Variants in PTPRD observed in about 807,000 individuals in gnomAD.
The protein encoded by PTPRD is receptor-type tyrosine-protein phosphatase delta.
Under a neutral mutation model 214.5 loss-of-function variants are expected in PTPRD, and 34 were observed. The observed-to-expected ratio is 0.16, with a 90% confidence interval of 0.12 to 0.21. The LOEUF is 0.21. Ranked by LOEUF, PTPRD falls within the 10% of genes least tolerant of loss-of-function variation. PTPRD has a pLI of 1.00. For synonymous variants in PTPRD, 1,128 were observed against 845.7 expected (o/e 1.33, Z -5.79); for missense variants, 2,545 against 2,398.7 (o/e 1.06, Z -1.27).
At chr9:10,509,916 C>A (rs1188836044) in intron 2 of PTPRD, among the ~76,000 whole-genome samples, 2 of 151,900 alleles carry the variant, frequency 1.3e-5, no homozygotes, top group Non-Finnish European at 2.9e-5. Flanking sequence ...CATTTCAGTA[C>A]CTCCAATGCC....
intron 7 of PTPRD, among the ~76,000 whole-genome samples, chr9:9,733,912 T>C (rs959084198): frequency 2.6e-5 from 4 of 152,162 alleles, no homozygotes; most frequent in Non-Finnish European, 4.4e-5. Flanking sequence ...GATTCAAACA[T>C]GAATACAAAG....
At chr9:9,421,734 C>T (rs2078878190) in intron 8 of PTPRD, among the ~76,000 whole-genome samples, 1 of 151,960 alleles carries the variant, frequency 6.6e-6, no homozygotes, top group Non-Finnish European at 1.5e-5. Flanking sequence ...GTCAGCTGTA[C>T]CCTTATTGAA....
chr9:9,320,224 T>A (rs1190842277), intron 9 of PTPRD, among the ~76,000 whole-genome samples: 1 of 152,140 alleles, frequency 6.6e-6, no homozygotes, highest in Non-Finnish European at 1.5e-5. Flanking sequence ...ATTTTTCCCA[T>A]GTTTTAATAA....
At chr9:8,813,519 G>T (rs536965683) in intron 11 of PTPRD, among the ~76,000 whole-genome samples, 3 of 152,032 alleles carry the variant, frequency 2.0e-5, no homozygotes, top group Non-Finnish European at 4.4e-5. Flanking sequence ...TACAAGGCAC[G>T]TGCCACCATG....
At chr9:9,493,858 G>C (rs2096045396) in intron 8 of PTPRD, among the ~76,000 whole-genome samples, 1 of 149,430 alleles carries the variant, frequency 6.7e-6, no homozygotes. Flanking sequence ...ATCTATCATA[G>C]ATAGTAATTT....
chr9:8,607,615 C>A (rs761177653), intron 14 of PTPRD, among the ~76,000 whole-genome samples: 32 of 152,078 alleles, frequency 2.1e-4, no homozygotes, highest in South Asian at 1.7e-3. Flanking sequence ...TGCACTCCAG[C>A]CTGGGAGACT....
intron 5 of PTPRD, chr9:9,799,335 G>A (rs184848659): frequency 6.6e-6 from 1 of 152,082 alleles, no homozygotes; most frequent in African/African-American, 2.4e-5. Flanking sequence ...CAATAGAATA[G>A]AATCAAAGAC....
At chr9:8,962,866 T>A (rs186918706) in intron 11 of PTPRD, 15 of 152,156 alleles carry the variant, frequency 9.9e-5, no homozygotes, top group African/African-American at 3.4e-4. Flanking sequence ...CAGTATGGAA[T>A]CATCTGATAA....
At chr9:9,334,594 T>C (rs1225836137) in intron 9 of PTPRD, among the ~76,000 whole-genome samples, 2 of 152,006 alleles carry the variant, frequency 1.3e-5, no homozygotes, top group Non-Finnish European at 2.9e-5. Flanking sequence ...GGTTTGGATA[T>C]GTCTCCTTAT....
chr9:9,096,926 G>A (rs941950887), intron 10 of PTPRD, among the ~76,000 whole-genome samples: 1 of 152,144 alleles, frequency 6.6e-6, no homozygotes, highest in African/African-American at 2.4e-5. Context: ...CCCAAATGCT[G>A]AAGTCACTGC....
chr9:9,210,585 A>AT (rs913788016), intron 9 of PTPRD, among the ~76,000 whole-genome samples: 4 of 151,828 alleles, frequency 2.6e-5, no homozygotes, highest in Admixed American at 1.3e-4. Flanking sequence ...ATCTCTTACC[A>AT]TTTTTTTGCT....
rs1005128005 is a variant in PTPRD at position 10,215,278 on chromosome 9, GA to G, written c.-545+125684del. 2.9e-4 allele frequency among the ~76,000 whole-genome samples: 42 copies of G among 143,286 alleles called. 1 individual carries two copies. The Middle Eastern group carries it at 0.01, about 36-fold the overall frequency. The allele number at this position is 143,286 out of a possible 152,430, so 94.0% of individuals were successfully genotyped here. A position where few individuals can be genotyped will look rare whatever the true frequency, so the allele number is the denominator to read the frequency against. On this transcript the variant is annotated intron_variant, in intron 3 of 45. Coordinates refer to ENST00000381196, the MANE Select transcript of PTPRD (RefSeq NM_002839.4). ...CTAAGAATTGACTGATGGATTTGGA[GA>G]AAAAAAAAAGCAAAGCTCTTCTAGG...
chr9:8,716,697 T>C (rs1467043131), intron 12 of PTPRD, among the ~76,000 whole-genome samples: 1 of 151,112 alleles, frequency 6.6e-6, no homozygotes, highest in East Asian at 1.9e-4. Flanking sequence ...ATCCGGAGCA[T>C]GCACTCCCAA....
chr9:9,794,881 A>G (rs2098992172), intron 5 of PTPRD, among the ~76,000 whole-genome samples: 1 of 152,226 alleles, frequency 6.6e-6, no homozygotes, highest in Admixed American at 6.5e-5. Context: ...GAATAAATTG[A>G]AGGGAAGAGA....
intron 8 of PTPRD, among the ~76,000 whole-genome samples, chr9:9,524,846 C>T (rs1353284169): frequency 1.3e-5 from 2 of 150,720 alleles, no homozygotes; most frequent in Non-Finnish European, 3.0e-5. Context: ...GTTTTGTTTG[C>T]TTGCTTGTTT....
intron 37 of PTPRD, 21 bp downstream of exon 37, chr9:8,389,211 G>C (rs2135629499): frequency 1.3e-6 from 2 of 1,581,706 alleles, no homozygotes; most frequent in East Asian, 2.3e-5. Flanking sequence ...TAAAAGGAAA[G>C]AGGTGGATAC....
intron 9 of PTPRD, among the ~76,000 whole-genome samples, chr9:9,352,960 T>G (rs1255617235): frequency 6.6e-6 from 1 of 151,990 alleles, no homozygotes; most frequent in Non-Finnish European, 1.5e-5. Context: ...AAAACACTCC[T>G]CATTACTTGT....
At chr9:8,990,165 G>A (rs2099360699) in intron 11 of PTPRD, among the ~76,000 whole-genome samples, 1 of 152,102 alleles carries the variant, frequency 6.6e-6, no homozygotes, top group Non-Finnish European at 1.5e-5. Flanking sequence ...AAGAGTACAA[G>A]TTTACATGGA....
chr9:10,054,817 T>C (rs1265221426), intron 3 of PTPRD, among the ~76,000 whole-genome samples: 1 of 152,080 alleles, frequency 6.6e-6, no homozygotes, highest in African/African-American at 2.4e-5. Flanking sequence ...TTAAAGAAAG[T>C]CATCCTGGCC....
Sources: gnomAD v4.1 joint callset for allele counts (sites outside exome capture counted in the v4.1 genomes callset) on GRCh38, gnomAD v4.1.1 for gene constraint, MANE v1.5 for transcripts, NCBI Gene and HGNC (gene_info 2026-07-23, HGNC 2026-07-21) for gene names.